Variants in TENM4 observed in about 807,000 individuals in gnomAD.
TENM4 encodes the protein teneurin-4.
In TENM4, 82 loss-of-function variants were observed where a neutral mutation model predicts 243.3. The observed-to-expected ratio is 0.34, with a 90% CI of 0.28 to 0.40. TENM4 has a LOEUF of 0.40. Among genes scored for constraint, TENM4 ranks in the 10% least tolerant of loss-of-function variants. TENM4 has a pLI of 1.00. For missense variants in TENM4, 3,138 were observed against 3,673.3 expected (o/e 0.85, Z 3.77); for synonymous variants, 1,412 against 1,456.3 (o/e 0.97, Z 0.69).
intron 9 of TENM4, among the ~76,000 whole-genome samples, chr11:78,870,359 A>G (rs747516416): frequency 5.7e-4 from 86 of 152,040 alleles, no homozygotes; most frequent in Non-Finnish European, 1.1e-3. Flanking sequence ...CCAGTTGCCA[A>G]TTTCTTTAAA....
chr11:79,093,864 A>G (rs1462640128), intron 4 of TENM4: 5 of 152,240 alleles, frequency 3.3e-5, no homozygotes, highest in Non-Finnish European at 7.3e-5. Flanking sequence ...AGCCAATGCC[A>G]AGCCAAGTCT....
At chr11:79,297,773 T>C (rs1291187465) in intron 1 of TENM4, among the ~76,000 whole-genome samples, 36 of 152,150 alleles carry the variant, frequency 2.4e-4, no homozygotes, top group Admixed American at 2.4e-3. Context: ...GGTGCCCAAC[T>C]CTCAGCACAG....
At chr11:79,107,785 C>T (rs924880417) in intron 4 of TENM4, among the ~76,000 whole-genome samples, 12 of 152,182 alleles carry the variant, frequency 7.9e-5, no homozygotes, top group African/African-American at 1.9e-4. Context: ...CATTTTCACA[C>T]GTTATTGCAT....
chr11:79,069,857 C>T lies in TENM4; in HGVS notation c.88G>A (p.Glu30Lys), dbSNP rs1251506433. The change falls in exon 5 of 34, where the codon GAG becomes AAG. Residue 30 changes from glutamate (E) to lysine (K), a missense_variant. Transcript: ENST00000278550. ...RRYTSSSADS[E>K]EGKAPQKSYS... ...GATTTCTGCGGGGCTTTGCCCTCCT[C>T]GCTGTCCGCGGACGAGCTGGTGTAG... The T allele has an allele frequency of 7.1e-6, 11 of 1,550,316 alleles. No homozygotes were observed. The highest frequency in any genetic ancestry group is 4.9e-5 in the East Asian group (2 of 40,914).
At chr11:79,368,667 G>C (rs1480327691) in intron 1 of TENM4, among the ~76,000 whole-genome samples, 1 of 152,206 alleles carries the variant, frequency 6.6e-6, no homozygotes, top group Non-Finnish European at 1.5e-5. Context: ...TTCTAGGCCT[G>C]ATTTTCCTCA....
intron 1 of TENM4, among the ~76,000 whole-genome samples, chr11:79,429,314 T>G (rs1461314412): frequency 6.6e-6 from 1 of 152,082 alleles, no homozygotes; most frequent in Non-Finnish European, 1.5e-5. Flanking sequence ...CCTCCCTCTA[T>G]TCACATCCTT....
chr11:79,123,779 G>A (rs1861799725), intron 4 of TENM4, among the ~76,000 whole-genome samples: 1 of 152,072 alleles, frequency 6.6e-6, no homozygotes, highest in Non-Finnish European at 1.5e-5. Flanking sequence ...ATGAACTGAA[G>A]AACAGAGGGG....
intron 6 of TENM4, among the ~76,000 whole-genome samples, chr11:78,930,900 C>T (rs923795936): frequency 6.6e-6 from 1 of 152,164 alleles, no homozygotes; most frequent in Non-Finnish European, 1.5e-5. Flanking sequence ...GTTAAAAGGT[C>T]ATCTTTTGGG....
chr11:78,753,314 C>T (rs1856232522), intron 19 of TENM4, among the ~76,000 whole-genome samples: 1 of 152,196 alleles, frequency 6.6e-6, no homozygotes, highest in Admixed American at 6.5e-5. Flanking sequence ...CTAGAGCCAC[C>T]TACACAAAGG....
chr11:78,702,964 C>T (rs1033557186), intron 27 of TENM4, among the ~76,000 whole-genome samples: 4 of 152,180 alleles, frequency 2.6e-5, no homozygotes, highest in African/African-American at 7.2e-5. Context: ...TCTTTGAGTT[C>T]ATGGATTAAC....
intron 4 of TENM4, among the ~76,000 whole-genome samples, chr11:79,100,006 CT>C (rs1861184294): frequency 6.6e-6 from 1 of 152,216 alleles, no homozygotes; most frequent in Admixed American, 6.5e-5. Context: ...TGGTTGAGCA[CT>C]TTCACGCCAG....
chr11:79,034,147 A>G (rs921929247), intron 6 of TENM4, among the ~76,000 whole-genome samples: 2 of 152,240 alleles, frequency 1.3e-5, no homozygotes, highest in African/African-American at 4.8e-5. Context: ...CTGCAGAGCG[A>G]CATACAAGCA....
chr11:79,327,210 G>C (rs975665154), intron 1 of TENM4, among the ~76,000 whole-genome samples: 1 of 152,188 alleles, frequency 6.6e-6, no homozygotes, highest in Non-Finnish European at 1.5e-5. Flanking sequence ...CATAGAAATA[G>C]ATAATTTTAA....
At chr11:78,955,829 C>T (rs1289002705) in intron 6 of TENM4, among the ~76,000 whole-genome samples, 1 of 152,156 alleles carries the variant, frequency 6.6e-6, no homozygotes, top group Non-Finnish European at 1.5e-5. Flanking sequence ...GCTTTGTCAA[C>T]AGTATAAAAA....
At chr11:79,091,511 A>G (rs1228650987) in intron 4 of TENM4, among the ~76,000 whole-genome samples, 2 of 152,182 alleles carry the variant, frequency 1.3e-5, no homozygotes, top group Non-Finnish European at 2.9e-5. Flanking sequence ...AAATCAGACC[A>G]CAATCCTGTC....
At chr11:79,199,571 GCAAT>G (rs1352609178) in intron 3 of TENM4, among the ~76,000 whole-genome samples, 1 of 152,150 alleles carries the variant, frequency 6.6e-6, no homozygotes, top group Non-Finnish European at 1.5e-5. Flanking sequence ...AAACTTGCAA[GCAAT>G]CAAATACCCA....
chr11:78,980,862 T>G (rs1300014118), intron 6 of TENM4, among the ~76,000 whole-genome samples: 1 of 152,124 alleles, frequency 6.6e-6, no homozygotes, highest in Admixed American at 6.5e-5. Context: ...GTTGATATAC[T>G]TTATCTTTAA....
intron 15 of TENM4, among the ~76,000 whole-genome samples, chr11:78,800,556 A>G (rs1043288331): frequency 6.6e-6 from 1 of 152,120 alleles, no homozygotes; most frequent in African/African-American, 2.4e-5. Context: ...GTGTGCTGGG[A>G]TCTTCCTGGA....
intron 6 of TENM4, among the ~76,000 whole-genome samples, chr11:78,952,196 C>G (rs1857121049): frequency 6.6e-6 from 1 of 152,212 alleles, no homozygotes; most frequent in South Asian, 2.1e-4. Flanking sequence ...CCTCATTTTT[C>G]CTCCATATCA....
Sources: allele counts gnomAD v4.1 joint callset (sites outside exome capture counted in the v4.1 genomes callset), GRCh38; gene constraint gnomAD v4.1.1; transcripts MANE v1.5; gene names NCBI Gene and HGNC (gene_info 2026-07-23, HGNC 2026-07-21).